The following MAL2 variants were observed in gnomAD, a reference collection of about 807,000 sequenced individuals.
The protein encoded by MAL2 is mal, T cell differentiation protein 2.
MAL2 carries 17 observed loss-of-function variants against 18.1 expected under a neutral mutation model. The ratio of observed to expected loss-of-function variants is 0.94; its 90% CI spans 0.64 to 1.41. The LOEUF is 1.41. Among genes scored for constraint, MAL2 ranks in the 40% most tolerant of loss-of-function variants. The pLI is 0.00. For synonymous variants in MAL2, 102 were observed against 102.3 expected (o/e 1.00, Z 0.02); for missense variants, 222 against 231.9 (o/e 0.96, Z 0.28).
intron 2 of MAL2, among the ~76,000 whole-genome samples, chr8:119,230,945 A>T (rs143359329): frequency 6.6e-6 from 1 of 152,218 alleles, no homozygotes; most frequent in Non-Finnish European, 1.5e-5. Context: ...GAGTTATTTA[A>T]TAGAAAGCAC....
chr8:119,232,010 T>G (rs1817741038), intron 2 of MAL2, among the ~76,000 whole-genome samples: 1 of 152,156 alleles, frequency 6.6e-6, no homozygotes, highest in African/African-American at 2.4e-5. Context: ...GCAACTATAG[T>G]TAATAACAGT....
chr8:119,240,077 T>A (rs946250255), intron 2 of MAL2, 88 bp from the exon 3 acceptor site: 4 of 1,340,038 alleles, frequency 3.0e-6, no homozygotes, highest in Admixed American at 2.1e-5. Context: ...AATGTTTTGA[T>A]CTTGCTAAAC....
chr8:119,232,222 A>ATTAAAATAATTT (rs1817747881), intron 2 of MAL2, among the ~76,000 whole-genome samples: 1 of 150,666 alleles, frequency 6.6e-6, no homozygotes, highest in African/African-American at 2.5e-5. Flanking sequence ...ATTTTTCTCA[A>ATTAAAATAATTT]TTAAAATAAT....
intron 1 of MAL2, among the ~76,000 whole-genome samples, chr8:119,210,514 A>G (rs1416209667): frequency 6.6e-6 from 1 of 152,142 alleles, no homozygotes; most frequent in Non-Finnish European, 1.5e-5. Flanking sequence ...ACCAGCCCAG[A>G]CTAATTAAAT....
At chr8:119,227,833 A>C (rs1376043006) in intron 2 of MAL2, among the ~76,000 whole-genome samples, 1 of 152,060 alleles carries the variant, frequency 6.6e-6, no homozygotes, top group East Asian at 1.9e-4. Flanking sequence ...AGTTGGTCTC[A>C]AGGCCAACTG....
intron 2 of MAL2, among the ~76,000 whole-genome samples, chr8:119,222,260 G>GT (rs1770672815): frequency 6.6e-6 from 1 of 152,052 alleles, no homozygotes; most frequent in Non-Finnish European, 1.5e-5. Context: ...GCCGGGCGTG[G>GT]TAGCTCATGC....
intron 2 of MAL2, among the ~76,000 whole-genome samples, chr8:119,233,811 C>T (rs145340575): frequency 0.038 from 5,812 of 152,028 alleles, 154 homozygotes; most frequent in South Asian, 0.066. Flanking sequence ...AGAGAATCCT[C>T]CCTAACTCAT....
In MAL2 at chr8:119,245,084, C is replaced by A. The variant is rs1818125011; in HGVS notation, c.*1596C>A. 6.6e-6 allele frequency: 1 copy of A among 152,462 alleles called. No individual in the cohort carries two copies. Among genetic ancestry groups the A allele is most frequent in the Non-Finnish European group, 1.5e-5 (1 of 68,002 alleles). 9.4% of individuals were successfully genotyped at this position (152,462 alleles called of 1,614,324 possible). ...TCCTCTAGAAAGAACCCTGTTAGAT[C>A]TTGGTTTGTGATAAAAATATAAAGA... On this transcript the variant is annotated 3_prime_UTR_variant, in exon 4 of 4. Transcript: ENST00000614891.
intron 1 of MAL2, among the ~76,000 whole-genome samples, chr8:119,209,744 G>T (rs1365164713): frequency 6.6e-6 from 1 of 152,196 alleles, no homozygotes; most frequent in Non-Finnish European, 1.5e-5. Flanking sequence ...ACCACCCTAA[G>T]TTAAGTTTAG....
chr8:119,216,698 G>T (rs1300309564), intron 1 of MAL2, among the ~76,000 whole-genome samples: 1 of 152,200 alleles, frequency 6.6e-6, no homozygotes, highest in African/African-American at 2.4e-5. Context: ...AATAGAATTA[G>T]AAGGAGGGAG....
intron 2 of MAL2, among the ~76,000 whole-genome samples, chr8:119,234,330 T>G (rs1165921765): frequency 6.6e-6 from 1 of 152,042 alleles, no homozygotes; most frequent in Admixed American, 6.6e-5. Flanking sequence ...TCTCGCTGAT[T>G]ACTAGCACAG....
At chr8:119,243,095 AATAC>A (rs2129932933) in intron 3 of MAL2, among the ~76,000 whole-genome samples, 1 of 152,308 alleles carries the variant, frequency 6.6e-6, no homozygotes, top group East Asian at 1.9e-4. Flanking sequence ...TGAATTTTTA[AATAC>A]AGTGCTTAGG....
At chr8:119,219,622 GT>G (rs531746259) in intron 1 of MAL2, among the ~76,000 whole-genome samples, 2 of 151,988 alleles carry the variant, frequency 1.3e-5, no homozygotes, top group South Asian at 4.1e-4. Flanking sequence ...TTCAGGGCAG[GT>G]ATGTAGCCTA....
At chr8:119,211,089 G>C (rs771507718) in intron 1 of MAL2, among the ~76,000 whole-genome samples, 1 of 152,180 alleles carries the variant, frequency 6.6e-6, no homozygotes, top group African/African-American at 2.4e-5. Context: ...ATCTTGAGTG[G>C]ATGTACAGAT....
At chr8:119,236,084 A>T in intron 2 of MAL2, among the ~76,000 whole-genome samples, 5 of 43,030 alleles carry the variant, frequency 1.2e-4, no homozygotes, top group Admixed American at 2.7e-4. Context: ...GCTCAAAATA[A>T]AAGGATGGAG....
intron 2 of MAL2, chr8:119,224,249 C>T (rs1817534004): frequency 6.6e-6 from 1 of 152,006 alleles, no homozygotes; most frequent in Non-Finnish European, 1.5e-5. Flanking sequence ...TAAATACTTG[C>T]CTCATTCTAT....
At position 119,244,328 on chromosome 8, in the gene MAL2, G is replaced by A. The variant is rs1818109140; in HGVS notation, c.*840G>A. 1 of 151,184 alleles carries A rather than the reference G, an allele frequency of 6.6e-6. No individual in the cohort carries two copies. The highest frequency in any genetic ancestry group is 2.1e-4 in the South Asian group (1 of 4,834). The allele number at this position is 151,184 out of a possible 1,614,324, so 9.4% of individuals were successfully genotyped here. ...GAATGTATAAAATTTCTCAGGCAGA[G>A]TCCTGGATATAGGAAAAAGTAATTT... is the stretch of plus-strand genomic sequence containing the variant. On this transcript the variant is annotated 3_prime_UTR_variant, in exon 4 of 4. Transcript: ENST00000614891.
intron 2 of MAL2, among the ~76,000 whole-genome samples, chr8:119,229,516 T>C (rs190303884): frequency 4.6e-5 from 7 of 152,288 alleles, no homozygotes; most frequent in Non-Finnish European, 8.8e-5. Context: ...TTTTGCCATG[T>C]TGGCTAGGCT....
intron 1 of MAL2, among the ~76,000 whole-genome samples, chr8:119,213,977 T>C (rs542993159): frequency 1.6e-4 from 24 of 152,322 alleles, no homozygotes; most frequent in Non-Finnish European, 2.8e-4. Flanking sequence ...TTAAACCAAG[T>C]AGCTGAAAAG....
Sources: gnomAD v4.1 joint callset for allele counts (sites outside exome capture counted in the v4.1 genomes callset) on GRCh38, gnomAD v4.1.1 for gene constraint, MANE v1.5 for transcripts, NCBI Gene and HGNC (gene_info 2026-07-23, HGNC 2026-07-21) for gene names.